Variants in CNTN5 observed in about 807,000 individuals in gnomAD.
The protein encoded by CNTN5 is contactin-5.
In CNTN5, 77 loss-of-function variants were observed where a neutral mutation model predicts 129.1. The observed-to-expected ratio is 0.60, with a 90% CI of 0.50 to 0.72. The LOEUF is 0.72. CNTN5 is among the 30% of genes least tolerant of loss of function. The pLI, the probability that CNTN5 is intolerant of heterozygous loss-of-function variation, is 0.00. For synonymous variants in CNTN5, 509 were observed against 465.6 expected (o/e 1.09, Z -1.20); for missense variants, 1,478 against 1,328.8 (o/e 1.11, Z -1.75).
intron 2 of CNTN5, among the ~76,000 whole-genome samples, chr11:99,441,178 G>A (rs1315830035): frequency 5.3e-5 from 8 of 151,988 alleles, no homozygotes; most frequent in African/African-American, 9.7e-5. Context: ...TTTCTCTTTA[G>A]CAATCAATTA....
chr11:99,312,508 T>C, intron 1 of CNTN5, among the ~76,000 whole-genome samples: 1 of 152,156 alleles, frequency 6.6e-6, no homozygotes, highest in Non-Finnish European at 1.5e-5. Flanking sequence ...AGTTAATTGT[T>C]TCTGCTATAA....
At chr11:99,093,265 A>G (rs1023227735) in intron 1 of CNTN5, among the ~76,000 whole-genome samples, 7 of 152,196 alleles carry the variant, frequency 4.6e-5, no homozygotes, top group African/African-American at 1.7e-4. Flanking sequence ...AATAGATATT[A>G]ATTAAATACA....
In CNTN5 at chr11:99,288,014, G is replaced by T. The variant is rs1299936660; in HGVS notation, c.-209-37332G>T. Among the ~76,000 whole-genome samples the T allele has an allele frequency of 9.2e-5, 14 of 151,996 alleles. No individual in the cohort carries two copies. In the East Asian group the frequency reaches 2.7e-3, roughly 29 times the overall value. The stretch of plus-strand genomic sequence containing the variant: ...GACCCTTATCCTCCTCTTCACTTTG[G>T]TATGTTCAGTGTTTTTGTCAGCACT... On this transcript the variant is annotated intron_variant, in intron 1 of 24. Coordinates refer to ENST00000524871, the MANE Select transcript of CNTN5 (RefSeq NM_014361.4).
intron 9 of CNTN5, among the ~76,000 whole-genome samples, chr11:100,047,616 G>T (rs1942750128): frequency 6.6e-6 from 1 of 152,146 alleles, no homozygotes; most frequent in African/African-American, 2.4e-5. Context: ...TTTTGTGGCA[G>T]CTCTTAATAT....
chr11:99,556,083 T>A, intron 2 of CNTN5, 62 bp from the exon 3 acceptor site: 2 of 472,256 alleles, frequency 4.2e-6, no homozygotes, highest in Admixed American at 4.0e-5. Flanking sequence ...TGGTTTGTAT[T>A]TGTTGGCTTT....
chr11:99,894,127 C>G (rs886465996), intron 6 of CNTN5, among the ~76,000 whole-genome samples: 2 of 152,072 alleles, frequency 1.3e-5, no homozygotes, highest in African/African-American at 4.8e-5. Flanking sequence ...TTACCATCTC[C>G]CGTTCCCACC....
chr11:100,049,658 A>C (rs1942855808), intron 9 of CNTN5, among the ~76,000 whole-genome samples: 1 of 152,196 alleles, frequency 6.6e-6, no homozygotes, highest in Non-Finnish European at 1.5e-5. Flanking sequence ...TCTGCACAGC[A>C]AAAGAAACTA....
intron 1 of CNTN5, among the ~76,000 whole-genome samples, chr11:99,135,791 A>G (rs561683520): frequency 6.6e-6 from 1 of 152,280 alleles, no homozygotes; most frequent in East Asian, 1.9e-4. Flanking sequence ...ATATTTATAT[A>G]AATTTAAATT....
chr11:99,938,308 C>A (rs1950360197), intron 7 of CNTN5, among the ~76,000 whole-genome samples: 2 of 151,922 alleles, frequency 1.3e-5, no homozygotes, highest in Admixed American at 1.3e-4. Context: ...TCCTTCGTTT[C>A]AATAGAATAA....
At chr11:100,239,453 ATATT>A (rs1399066153) in intron 16 of CNTN5, among the ~76,000 whole-genome samples, 1 of 152,146 alleles carries the variant, frequency 6.6e-6, no homozygotes, top group African/African-American at 2.4e-5. Flanking sequence ...TAAGAAATAA[ATATT>A]TATTATAAAA....
intron 21 of CNTN5, among the ~76,000 whole-genome samples, chr11:100,338,836 GCT>G (rs972374722): frequency 8.6e-5 from 13 of 151,860 alleles, no homozygotes; most frequent in Non-Finnish European, 1.9e-4. Flanking sequence ...TGTTAACAGT[GCT>G]CTCTTAGCTC....
At chr11:99,611,067 C>G (rs968676422) in intron 3 of CNTN5, among the ~76,000 whole-genome samples, 2 of 152,130 alleles carry the variant, frequency 1.3e-5, no homozygotes, top group African/African-American at 4.8e-5. Flanking sequence ...TCTCCATTCA[C>G]TTTTTTAATG....
At chr11:99,853,336 G>T (rs1481028908) in intron 6 of CNTN5, among the ~76,000 whole-genome samples, 1 of 151,994 alleles carries the variant, frequency 6.6e-6, no homozygotes, top group African/African-American at 2.4e-5. Context: ...AGATGTGTGT[G>T]TGAATATATA....
At chr11:99,799,168 A>T (rs1323339000) in intron 3 of CNTN5, among the ~76,000 whole-genome samples, 1 of 151,972 alleles carries the variant, frequency 6.6e-6, no homozygotes, top group Non-Finnish European at 1.5e-5. Flanking sequence ...TGGGGTTTCT[A>T]TGTATAGAAT....
chr11:100,234,958 A>G (rs1263442564), intron 16 of CNTN5, among the ~76,000 whole-genome samples: 1 of 152,150 alleles, frequency 6.6e-6, no homozygotes, highest in African/African-American at 2.4e-5. Context: ...AAACTCCCAC[A>G]TGCCTGAAAA....
At chr11:99,770,196 G>T (rs1265020303) in intron 3 of CNTN5, among the ~76,000 whole-genome samples, 2 of 151,926 alleles carry the variant, frequency 1.3e-5, no homozygotes, top group East Asian at 3.8e-4. Flanking sequence ...GCTTATATTA[G>T]CATATAATAT....
rs141250318 is a variant in CNTN5 at position 99,683,200 on chromosome 11, T to C, written c.55+126931T>C. Among the ~76,000 whole-genome samples the C allele has an allele frequency of 8.2e-3, 1,251 of 151,976 alleles. 19 individuals are homozygous for C. Among genetic ancestry groups the C allele is most frequent in the African/African-American group, 0.028 (1,167 of 41,488 alleles). ...TTTTATTGTTAGTACTTCTCTATCA[T>C]GTTTCAGAAATCTCCCTTCACCGCA... On this transcript the variant is annotated intron_variant, in intron 3 of 24. Transcript: ENST00000524871.
chr11:99,782,459 C>A lies in CNTN5; in HGVS notation c.56-37085C>A, dbSNP rs1337057404. Among the ~76,000 whole-genome samples the A allele has an allele frequency of 5.3e-5, 8 of 150,748 alleles. No individual in the cohort carries two copies. In the East Asian group the frequency reaches 1.0e-3, roughly 19 times the overall value. On this transcript the variant is annotated intron_variant, in intron 3 of 24. Coordinates refer to ENST00000524871, the MANE Select transcript of CNTN5 (RefSeq NM_014361.4). ...ATCAAGCTACCAATGCCTTTCTTCA[C>A]AGAATTGGAAAAAACTACTTTCAAG...
chr11:100,319,503 G>A (rs887762042), intron 21 of CNTN5, among the ~76,000 whole-genome samples: 9 of 152,126 alleles, frequency 5.9e-5, no homozygotes, highest in Admixed American at 3.9e-4. Flanking sequence ...TCATGTACAT[G>A]CTTTGAAGTA....
Sources: allele counts gnomAD v4.1 joint callset (sites outside exome capture counted in the v4.1 genomes callset), GRCh38; gene constraint gnomAD v4.1.1; transcripts MANE v1.5; gene names NCBI Gene and HGNC (gene_info 2026-07-23, HGNC 2026-07-21).